Variants in ESRRG observed in about 807,000 individuals in gnomAD.
ESRRG encodes estrogen-related receptor gamma.
A neutral mutation model predicts 44.0 loss-of-function variants in ESRRG; 13 were observed. The observed-to-expected ratio is 0.30, with a 90% CI of 0.19 to 0.47. ESRRG has a LOEUF of 0.47. Among genes scored for constraint, ESRRG ranks in the 20% least tolerant of loss-of-function variants. The pLI, the probability that ESRRG is intolerant of heterozygous loss-of-function variation, is 1.00. For missense variants in ESRRG, 395 were observed against 580.6 expected (o/e 0.68, Z 3.29); for synonymous variants, 215 against 214.6 (o/e 1.00, Z -0.02).
chr1:216,564,470 T>A, intron 4 of ESRRG, 90 bp from the exon 5 acceptor site: 1 of 971,380 alleles, frequency 1.0e-6, no homozygotes, highest in Non-Finnish European at 1.5e-6. Flanking sequence ...TGAAAAACAA[T>A]CCAAATATCC....
intron 2 of ESRRG, among the ~76,000 whole-genome samples, chr1:216,767,481 C>T (rs2093142023): frequency 6.6e-6 from 1 of 152,062 alleles, no homozygotes; most frequent in African/African-American, 2.4e-5. Flanking sequence ...TAACAAGATA[C>T]TGAGTTTTTG....
intron 2 of ESRRG, among the ~76,000 whole-genome samples, chr1:216,922,188 G>A (rs1191556561): frequency 6.6e-6 from 1 of 152,148 alleles, no homozygotes; most frequent in Non-Finnish European, 1.5e-5. Context: ...GCTAAGGAAG[G>A]CTCTGACTGT....
At chr1:216,760,782 T>C (rs2092724652) in intron 2 of ESRRG, among the ~76,000 whole-genome samples, 1 of 152,086 alleles carries the variant, frequency 6.6e-6, no homozygotes, top group Admixed American at 6.6e-5. Context: ...TTTATTAATA[T>C]GTACTTAGAA....
At chr1:216,656,754 A>C (rs1325367458) in intron 2 of ESRRG, among the ~76,000 whole-genome samples, 1 of 152,178 alleles carries the variant, frequency 6.6e-6, no homozygotes, top group South Asian at 2.1e-4. Flanking sequence ...TGTAGTTCCT[A>C]AGACTTGTCC....
intron 3 of ESRRG, among the ~76,000 whole-genome samples, chr1:216,599,157 A>AT (rs1220504921): frequency 2.0e-5 from 3 of 152,002 alleles, no homozygotes; most frequent in African/African-American, 2.4e-5. Context: ...GTTCCAATAA[A>AT]TTTTTTCTGA....
At chr1:216,777,295 A>G (rs1454826751) in intron 2 of ESRRG, among the ~76,000 whole-genome samples, 1 of 152,160 alleles carries the variant, frequency 6.6e-6, no homozygotes, top group African/African-American at 2.4e-5. Flanking sequence ...GTTCCGAGGC[A>G]ATGCTAAGAG....
chr1:217,081,517 G>A (rs541405917), intron 1 of ESRRG, among the ~76,000 whole-genome samples: 18 of 152,256 alleles, frequency 1.2e-4, no homozygotes, highest in East Asian at 7.7e-4. Context: ...GTGAGCCGCC[G>A]TGCCAGGCCA....
chr1:216,591,941 C>A (rs1021959015), intron 3 of ESRRG, among the ~76,000 whole-genome samples: 1 of 152,130 alleles, frequency 6.6e-6, no homozygotes, highest in Non-Finnish European at 1.5e-5. Context: ...GGGGAAAGAG[C>A]AACTTTATAG....
chr1:216,850,926 G>C (rs1159921582), intron 2 of ESRRG, among the ~76,000 whole-genome samples: 4 of 151,520 alleles, frequency 2.6e-5, no homozygotes, highest in Non-Finnish European at 4.4e-5. Flanking sequence ...GTCATGTAAA[G>C]TGCTGATAAA....
At chr1:216,913,568 A>G (rs1360677153) in intron 2 of ESRRG, among the ~76,000 whole-genome samples, 1 of 152,246 alleles carries the variant, frequency 6.6e-6, no homozygotes, top group Non-Finnish European at 1.5e-5. Flanking sequence ...CTTCGAAGAT[A>G]GGAGACGTGG....
chr1:216,525,233 C>T (rs910216247), intron 5 of ESRRG, among the ~76,000 whole-genome samples: 1 of 151,872 alleles, frequency 6.6e-6, no homozygotes, highest in Non-Finnish European at 1.5e-5. Context: ...TTTTTTTTAA[C>T]AACTGCCAGC....
chr1:217,021,311 G>A (rs1317387610), intron 1 of ESRRG, among the ~76,000 whole-genome samples: 1 of 152,108 alleles, frequency 6.6e-6, no homozygotes, highest in Non-Finnish European at 1.5e-5. Flanking sequence ...GCTGGCAGGG[G>A]TTAATGGGAC....
intron 1 of ESRRG, among the ~76,000 whole-genome samples, chr1:216,984,049 G>T (rs1046940931): frequency 8.8e-5 from 7 of 79,730 alleles, no homozygotes; most frequent in Admixed American, 1.5e-4. Context: ...TAATAAGAAT[G>T]GGGGGGGGTA....
intron 2 of ESRRG, among the ~76,000 whole-genome samples, chr1:216,867,167 T>C (rs1441339625): frequency 6.6e-6 from 1 of 152,178 alleles, no homozygotes; most frequent in Non-Finnish European, 1.5e-5. Flanking sequence ...GCATTATGCA[T>C]ATGGGAAAAC....
chr1:216,578,677 C>T (rs549293504), intron 3 of ESRRG, among the ~76,000 whole-genome samples: 4 of 152,184 alleles, frequency 2.6e-5, no homozygotes, highest in African/African-American at 7.2e-5. Context: ...CATTCATCTA[C>T]CAATGGTGTT....
At chr1:217,022,289 G>T (rs1304267492) in intron 1 of ESRRG, among the ~76,000 whole-genome samples, 2 of 152,116 alleles carry the variant, frequency 1.3e-5, no homozygotes, top group Non-Finnish European at 2.9e-5. Flanking sequence ...GTTTTCATTT[G>T]GGCTCAGACC....
intron 1 of ESRRG, among the ~76,000 whole-genome samples, chr1:217,077,172 C>T (rs1214551527): frequency 6.6e-6 from 1 of 152,174 alleles, no homozygotes; most frequent in Admixed American, 6.5e-5. Flanking sequence ...TCCATGGTTA[C>T]CCGTTTTTAC....
intron 2 of ESRRG, among the ~76,000 whole-genome samples, chr1:216,733,980 G>T (rs1171183475): frequency 8.1e-6 from 1 of 122,916 alleles, no homozygotes; most frequent in Non-Finnish European, 1.7e-5. Flanking sequence ...AACAGAGCAA[G>T]ACTCTGTAAA....
Position 216,773,041 on chromosome 1 carries a change from T to C in ESRRG, c.-13-95550A>G, listed in dbSNP as rs577245779. The stretch of plus-strand genomic sequence containing the variant: ...TAACGCTCAACATGGCTTCTAATGG[T>C]CTTAGTCTGCCCTTGATCTGACCAT... On this transcript the variant is annotated intron_variant, in intron 2 of 7. Coordinates refer to the ESRRG transcript ENST00000359162. Among the ~76,000 whole-genome samples, 3 of 152,194 alleles carry C rather than the reference T, an allele frequency of 2.0e-5. No individual in the cohort carries two copies. The South Asian group carries it at 6.2e-4, about 32-fold the overall frequency.
Sources: allele counts gnomAD v4.1 joint callset (sites outside exome capture counted in the v4.1 genomes callset), GRCh38; gene constraint gnomAD v4.1.1; transcripts MANE v1.5; gene names NCBI Gene and HGNC (gene_info 2026-07-23, HGNC 2026-07-21).